Variants in ENTREP2 observed in about 807,000 individuals in gnomAD.
The protein encoded by ENTREP2 is endosomal transmembrane epsin interactor 2, also known as protein ENTREP2.
chr15:29,584,737 T>C, the ENTREP2 span, among the ~76,000 whole-genome samples: 1 of 152,178 alleles, frequency 6.6e-6, no homozygotes, highest in Non-Finnish European at 1.5e-5. Flanking sequence ...TCTGAGAATC[T>C]AATGTACAGC....
At chr15:29,464,764 C>T in the ENTREP2 span, among the ~76,000 whole-genome samples, 2 of 152,116 alleles carry the variant, frequency 1.3e-5, no homozygotes, top group Non-Finnish European at 2.9e-5. Flanking sequence ...GGCACAACCT[C>T]GGAAACAGCA....
At chr15:29,478,019 A>ATATATTTATATAT in the ENTREP2 span, among the ~76,000 whole-genome samples, 58 of 54,282 alleles carry the variant, frequency 1.1e-3, no homozygotes, top group African/African-American at 4.8e-3. Context: ...ATATATATAT[A>ATATATTTATATAT]TTTTTTTTTT....
chr15:29,334,284 C>T, the ENTREP2 span, among the ~76,000 whole-genome samples: 1 of 152,178 alleles, frequency 6.6e-6, no homozygotes, highest in Non-Finnish European at 1.5e-5. Context: ...TTCAAGGTCC[C>T]TGTGCCTGAC....
At chr15:29,224,146 G>A in the ENTREP2 span, among the ~76,000 whole-genome samples, 6 of 152,220 alleles carry the variant, frequency 3.9e-5, no homozygotes, top group South Asian at 8.3e-4. Context: ...TGGGTTCGTG[G>A]TCTCGCTGGC....
At chr15:29,595,094 AAAAT>A in the ENTREP2 span, among the ~76,000 whole-genome samples, 33 of 145,942 alleles carry the variant, frequency 2.3e-4, 1 homozygote, top group African/African-American at 8.3e-4. Flanking sequence ...AAAAAAAAAA[AAAAT>A]TTAAAATTAG....
chr15:29,655,266 G>T, the ENTREP2 span, among the ~76,000 whole-genome samples: 1 of 152,134 alleles, frequency 6.6e-6, no homozygotes, highest in Non-Finnish European at 1.5e-5. Flanking sequence ...CTCTCTGGTA[G>T]CACAACCCTA....
At chr15:29,384,239 C>T in the ENTREP2 span, among the ~76,000 whole-genome samples, 682 of 152,314 alleles carry the variant, frequency 4.5e-3, 3 homozygotes, top group African/African-American at 0.015. Context: ...CACTCCTCCA[C>T]ACCCACTTTC....
At chr15:29,640,139 G>C in the ENTREP2 span, among the ~76,000 whole-genome samples, 1 of 152,122 alleles carries the variant, frequency 6.6e-6, no homozygotes, top group Non-Finnish European at 1.5e-5. Context: ...AGAAAAGAGA[G>C]AGAAATCAAA....
the ENTREP2 span, among the ~76,000 whole-genome samples, chr15:29,482,941 G>A: frequency 0.51 from 76,940 of 152,094 alleles, 20,558 homozygotes; most frequent in African/African-American, 0.7. Flanking sequence ...TGGCTGTAGT[G>A]TTTAGTGTTC....
the ENTREP2 span, among the ~76,000 whole-genome samples, chr15:29,413,984 C>T: frequency 4.6e-5 from 7 of 152,078 alleles, no homozygotes; most frequent in East Asian, 1.9e-4. Flanking sequence ...TACAGGAGCA[C>T]CCAGATTCAT....
chr15:29,409,235 C>G, the ENTREP2 span, among the ~76,000 whole-genome samples: 1 of 152,236 alleles, frequency 6.6e-6, no homozygotes, highest in African/African-American at 2.4e-5. Context: ...TCCCTTCACA[C>G]ATCCCACATC....
chr15:29,380,885 G>A, the ENTREP2 span, among the ~76,000 whole-genome samples: 1 of 132,756 alleles, frequency 7.5e-6, no homozygotes, highest in East Asian at 2.2e-4. Flanking sequence ...TTCTCTCTCT[G>A]CACCAGGCTG....
At chr15:29,639,121 C>T in the ENTREP2 span, among the ~76,000 whole-genome samples, 1 of 152,194 alleles carries the variant, frequency 6.6e-6, no homozygotes, top group Non-Finnish European at 1.5e-5. Flanking sequence ...TGAAAGAAAT[C>T]TTTGTCGTGG....
the ENTREP2 span, among the ~76,000 whole-genome samples, chr15:29,201,213 CACAA>C: frequency 1.1e-4 from 17 of 152,096 alleles, no homozygotes; most frequent in African/African-American, 4.1e-4. Flanking sequence ...TCATGTCATC[CACAA>C]ACAGAGTTAG....
the ENTREP2 span, among the ~76,000 whole-genome samples, chr15:29,340,904 C>G: frequency 6.6e-6 from 1 of 152,186 alleles, no homozygotes; most frequent in Admixed American, 6.5e-5. Context: ...CCCCCAACCC[C>G]AGTTTTAATT....
the ENTREP2 span, among the ~76,000 whole-genome samples, chr15:29,586,859 G>C: frequency 6.6e-6 from 1 of 152,120 alleles, no homozygotes. Context: ...AGTTGAATGG[G>C]GAAAACATAT....
the ENTREP2 span, among the ~76,000 whole-genome samples, chr15:29,289,426 G>A: frequency 2.6e-5 from 4 of 152,164 alleles, no homozygotes; most frequent in East Asian, 7.7e-4. Flanking sequence ...GGTGATAATG[G>A]GGAAAAACAG....
the ENTREP2 span, chr15:29,268,897 A>C: frequency 6.2e-7 from 1 of 1,613,994 alleles, no homozygotes; most frequent in Non-Finnish European, 8.5e-7. Context: ...TTGATTATGG[A>C]CCTTGGCCAC....
the ENTREP2 span, among the ~76,000 whole-genome samples, chr15:29,478,182 G>A: frequency 2.0e-5 from 3 of 150,810 alleles, no homozygotes; most frequent in Non-Finnish European, 4.4e-5. Context: ...CCGTCACCAC[G>A]CCCGGCTAAT....
Sources: gnomAD v4.1 joint callset for allele counts (sites outside exome capture counted in the v4.1 genomes callset) on GRCh38, gnomAD v4.1.1 for gene constraint, MANE v1.5 for transcripts, NCBI Gene and HGNC (gene_info 2026-07-23, HGNC 2026-07-21) for gene names.